SRFBP1: variants seen among roughly 807,000 people sequenced by gnomAD.
SRFBP1 encodes the protein serum response factor binding protein 1.
A neutral mutation model predicts 45.5 loss-of-function variants in SRFBP1; 47 were observed. The ratio of observed to expected loss-of-function variants is 1.03; its 90% CI spans 0.82 to 1.32. The LOEUF (loss-of-function observed/expected upper bound fraction) is 1.32, where lower values mean the gene tolerates loss of function less well. Ranked by LOEUF, SRFBP1 falls within the 40% of genes most tolerant of loss-of-function variation. The pLI is 0.00. For synonymous variants in SRFBP1, 203 were observed against 166.3 expected, an observed-to-expected ratio of 1.22 and a Z score of -1.70; for missense variants, 621 against 484.6, an observed-to-expected ratio of 1.28 and a Z score of -2.64.
chr5:122,046,178 C>T (rs1052134003), intron 2 of SRFBP1, among the ~76,000 whole-genome samples: 16 of 152,024 alleles, frequency 1.1e-4, no homozygotes, highest in Non-Finnish European at 1.5e-5. Flanking sequence ...GGTATATCTC[C>T]TAATGCTATC....
chr5:122,072,027 T>G (rs192642035), intron 2 of SRFBP1, among the ~76,000 whole-genome samples: 128 of 152,336 alleles, frequency 8.4e-4, no homozygotes, highest in Non-Finnish European at 1.4e-3. Context: ...GAAGAATTTT[T>G]GGTCTGATTC....
chr5:121,988,995 A>G (rs565926142), intron 3 of SRFBP1, among the ~76,000 whole-genome samples: 1 of 152,264 alleles, frequency 6.6e-6, no homozygotes, highest in African/African-American at 2.4e-5. Flanking sequence ...GTTATATTCA[A>G]TTTAGAGAAA....
At chr5:122,077,376 C>T (rs1488772415), downstream of SRFBP1, 2 of 1,613,914 alleles carry the variant, frequency 1.2e-6, no homozygotes, top group Admixed American at 3.3e-5. The surrounding 1 kb of genome is among the most constrained non-coding windows in gnomAD (Gnocchi z 4.9). Flanking sequence ...TAGCCAGTGC[C>T]GTATCCGGGC....
At chr5:122,035,293 T>A (rs1753674864) in intron 2 of SRFBP1, among the ~76,000 whole-genome samples, 2 of 152,170 alleles carry the variant, frequency 1.3e-5, no homozygotes, top group African/African-American at 2.4e-5. Flanking sequence ...ATCTTTCTCC[T>A]GAGTGTCCAG....
chr5:122,054,836 G>A (rs1335846833), intron 2 of SRFBP1, among the ~76,000 whole-genome samples: 1 of 152,100 alleles, frequency 6.6e-6, no homozygotes, highest in Non-Finnish European at 1.5e-5. Context: ...AAAATATGAA[G>A]AAATAGAACA....
At chr5:121,965,599 A>G (rs1752046792) in intron 1 of SRFBP1, among the ~76,000 whole-genome samples, 2 of 152,142 alleles carry the variant, frequency 1.3e-5, no homozygotes, top group Admixed American at 1.3e-4. Flanking sequence ...ATAGCCTTGT[A>G]TTATAGTTTG....
intron 2 of SRFBP1, among the ~76,000 whole-genome samples, chr5:122,036,746 G>A (rs77533684): frequency 0.017 from 2,572 of 152,190 alleles, 66 homozygotes; most frequent in African/African-American, 0.058. Context: ...ACCCAACTGG[G>A]AGAGGACACC....
chr5:121,998,190 A>G (rs1752773786), intron 4 of SRFBP1, among the ~76,000 whole-genome samples: 1 of 151,862 alleles, frequency 6.6e-6, no homozygotes, highest in Admixed American at 6.6e-5. Context: ...ACTATAAATC[A>G]TGCTGCTATA....
At chr5:122,034,662 T>C (rs1753660921) in intron 2 of SRFBP1, among the ~76,000 whole-genome samples, 1 of 152,146 alleles carries the variant, frequency 6.6e-6, no homozygotes, top group South Asian at 2.1e-4. Context: ...TACCCTGTTC[T>C]CACCTTAATT....
intron 1 of SRFBP1, among the ~76,000 whole-genome samples, chr5:121,973,235 G>A (rs1752236448): frequency 6.6e-6 from 1 of 151,832 alleles, no homozygotes; most frequent in Non-Finnish European, 1.5e-5. Context: ...TAACAGTGCA[G>A]TGAGGTAGAT....
intron 4 of SRFBP1, among the ~76,000 whole-genome samples, chr5:122,003,305 A>C (rs993634618): frequency 6.6e-6 from 1 of 151,574 alleles, no homozygotes; most frequent in Non-Finnish European, 1.5e-5. Context: ...TGATCATGCC[A>C]CTGCACTCCA....
intron 3 of SRFBP1, among the ~76,000 whole-genome samples, chr5:121,992,416 T>G (rs963527782): frequency 6.6e-6 from 1 of 152,024 alleles, no homozygotes; most frequent in South Asian, 2.1e-4. Flanking sequence ...TTGTTTTTTT[T>G]CTCTGCATCT....
downstream of SRFBP1, among the ~76,000 whole-genome samples, chr5:122,030,196 G>A (rs1339330015): frequency 6.6e-6 from 1 of 152,168 alleles, no homozygotes; most frequent in African/African-American, 2.4e-5. Context: ...CAAACTATCA[G>A]AATCAACCTT....
intron 4 of SRFBP1, among the ~76,000 whole-genome samples, chr5:122,000,666 C>A (rs1205918695): frequency 6.6e-6 from 1 of 151,954 alleles, no homozygotes; most frequent in Non-Finnish European, 1.5e-5. Context: ...TATATAATGC[C>A]CCATCTCATC....
chr5:121,968,309 A>G (rs1752116523), intron 1 of SRFBP1, among the ~76,000 whole-genome samples: 1 of 151,660 alleles, frequency 6.6e-6, no homozygotes, highest in South Asian at 2.1e-4. Flanking sequence ...CACTGGATGT[A>G]TGATTTACAT....
At chr5:121,966,498 A>C (rs904130758) in intron 1 of SRFBP1, among the ~76,000 whole-genome samples, 3 of 152,338 alleles carry the variant, frequency 2.0e-5, no homozygotes, top group African/African-American at 7.2e-5. Context: ...CTAATGTTCA[A>C]ATGAGAGGGA....
At chr5:122,022,215 A>G (rs1753342201) in intron 6 of SRFBP1, among the ~76,000 whole-genome samples, 155 bp from the exon 7 acceptor site, 1 of 152,192 alleles carries the variant, frequency 6.6e-6, no homozygotes, top group Admixed American at 6.5e-5. Context: ...TACAGCTACA[A>G]CCTGGGACTT....
rs1281555347 is a variant in SRFBP1 at position 122,027,434 on chromosome 5, A to T, written c.*308A>T. On this transcript the variant is annotated 3_prime_UTR_variant, in exon 8 of 8. Transcript: ENST00000339397. ...TGTATTTTTTTTTAAAGTAAATTCA[A>T]CTTACGCTTATATAAGCCTTTCACA... is the stretch of plus-strand genomic sequence containing the variant. The T allele has an allele frequency of 5.8e-6, 1 of 171,622 alleles. No individual in the cohort carries two copies. The highest frequency in any genetic ancestry group is 2.4e-5 in the African/African-American group (1 of 42,126). 10.6% of individuals were successfully genotyped at this position (171,622 alleles called of 1,614,324 possible).
intron 1 of SRFBP1, among the ~76,000 whole-genome samples, chr5:121,962,331 A>T (rs942709636): frequency 3.3e-5 from 5 of 152,224 alleles, no homozygotes; most frequent in African/African-American, 4.8e-5. Context: ...TACGTTCAAT[A>T]TTCTCGTCTG....
Sources: gnomAD v4.1 joint callset for allele counts (sites outside exome capture counted in the v4.1 genomes callset) on GRCh38, gnomAD v4.1.1 for gene constraint, Gnocchi (gnomAD v3.1) non-coding constraint, MANE v1.5 for transcripts, NCBI Gene and HGNC (gene_info 2026-07-23, HGNC 2026-07-21) for gene names.